The following OVCH1 variants were observed in gnomAD, a reference collection of about 807,000 sequenced individuals.
OVCH1 encodes the protein ovochymase-1.
A neutral mutation model predicts 138.4 loss-of-function variants in OVCH1; 139 were observed. The observed-to-expected ratio is 1.00, with a 90% CI of 0.87 to 1.16. The LOEUF is 1.16. OVCH1 is among the 50% of genes most tolerant of loss of function. The probability of loss-of-function intolerance (pLI) is 0.00; values close to 1 mark genes in which losing one functional copy is unlikely to be tolerated. For synonymous variants in OVCH1, 453 were observed against 467.8 expected (o/e 0.97, Z 0.41); for missense variants, 1,367 against 1,357.9 (o/e 1.01, Z -0.11).
intron 26 of OVCH1, among the ~76,000 whole-genome samples, chr12:29,438,687 T>C (rs1941410399): frequency 6.6e-6 from 1 of 152,224 alleles, no homozygotes; most frequent in Non-Finnish European, 1.5e-5. Flanking sequence ...AGTTATTGTA[T>C]GGCTTTTATT....
At chr12:29,421,296 C>G (rs76240520) in intron 3 of OVCH1, among the ~76,000 whole-genome samples, 1 of 152,268 alleles carries the variant, frequency 6.6e-6, no homozygotes, top group East Asian at 1.9e-4. Flanking sequence ...GTATTGTTTT[C>G]TATTGTTATC....
chr12:29,445,308 CA>C lies in OVCH1; in HGVS notation c.2850del (p.Phe950LeufsTer3). On this transcript the variant is annotated frameshift_variant, in exon 23 of 28. Coordinates refer to ENST00000318184, the Ensembl canonical transcript of OVCH1. LOFTEE classifies it high-confidence loss of function. ...ACTTTCAAGACAATATAGCTTATAC[CA>C]AATGCACCTCGTACAAGGGCATGGA... 2 of 1,611,696 alleles carry C rather than the reference CA, an allele frequency of 1.2e-6. No homozygotes were observed. The highest frequency in any genetic ancestry group is 1.7e-6 in the Non-Finnish European group (2 of 1,178,404).
intron 8 of OVCH1, among the ~76,000 whole-genome samples, chr12:29,485,234 T>C (rs1488113780): frequency 6.9e-6 from 1 of 145,256 alleles, no homozygotes; most frequent in Non-Finnish European, 1.5e-5. Flanking sequence ...CTCAGGAGAC[T>C]GAGGCAGGAG....
the OVCH1 span, among the ~76,000 whole-genome samples, chr12:29,406,379 A>G: frequency 3.9e-5 from 6 of 152,080 alleles, no homozygotes; most frequent in African/African-American, 1.4e-4. Flanking sequence ...TTACATACGT[A>G]TACATGTGCC....
chr12:29,467,909 C>G (rs558388429), intron 16 of OVCH1, among the ~76,000 whole-genome samples: 1 of 152,048 alleles, frequency 6.6e-6, no homozygotes. Context: ...AGGCAGGGCA[C>G]GTGTAGGACA....
At chr12:29,437,567 C>T (rs1464918039) in intron 26 of OVCH1, among the ~76,000 whole-genome samples, 2 of 152,092 alleles carry the variant, frequency 1.3e-5, no homozygotes, top group Non-Finnish European at 2.9e-5. Flanking sequence ...ATGTAGTTTG[C>T]TGTAACACTC....
chr12:29,476,331 G>A lies in OVCH1; in HGVS notation c.1378-32C>T, dbSNP rs373775607. 6.5e-6 allele frequency: 10 copies of A among 1,538,884 alleles called. No homozygotes were observed. In the African/African-American group the frequency reaches 6.8e-5, roughly 10 times the overall value. ...AAATGGAAACATAACCAGGGAAATG[G>A]TCAAAGAAGAGAAGAGAGAAGCTTA... On this transcript the variant is annotated intron_variant, in intron 12 of 27. Transcript: ENST00000318184.
At chr12:29,435,388 A>G (rs567703733) in intron 26 of OVCH1, among the ~76,000 whole-genome samples, 2 of 152,146 alleles carry the variant, frequency 1.3e-5, no homozygotes, top group South Asian at 2.1e-4. Context: ...TTTTTTTGAG[A>G]CGGAGTCTCG....
intron 14 of OVCH1, among the ~76,000 whole-genome samples, chr12:29,474,171 A>G (rs1221058545): frequency 6.6e-6 from 1 of 152,014 alleles, no homozygotes; most frequent in Non-Finnish European, 1.5e-5. Context: ...TCCTTCATAT[A>G]TTCCATCCCT....
Position 29,464,490 on chromosome 12 carries a change from A to G in OVCH1, c.2125+17T>C, listed in dbSNP as rs368875656. The G allele has an allele frequency of 5.0e-6, 8 of 1,611,314 alleles. No individual in the cohort carries two copies. Among genetic ancestry groups the G allele is most frequent in the African/African-American group, 1.3e-5 (1 of 74,876 alleles). ...TAACAACTGGCATTAATGTTTATGCAACAAAAATATGCTTACCTGCACTGA... is the reference window on the plus strand; with the variant it reads ...TAACAACTGGCATTAATGTTTATGCGACAAAAATATGCTTACCTGCACTGA... On this transcript the variant is annotated intron_variant, in intron 18 of 27. Coordinates refer to ENST00000318184, the Ensembl canonical transcript of OVCH1.
At chr12:29,486,769 G>A (rs1592110908) in intron 7 of OVCH1, 1 of 346,282 alleles carries the variant, frequency 2.9e-6, no homozygotes, top group East Asian at 8.1e-5. Flanking sequence ...ATCATGTTCT[G>A]GTGTTCATTT....
chr12:29,427,461 G>T (rs1312072802), downstream of OVCH1: 9 of 1,444,614 alleles, frequency 6.2e-6, no homozygotes, highest in East Asian at 1.2e-4. Flanking sequence ...GATAGAGGAG[G>T]TCTCAGGTAA....
chr12:29,434,931 C>A (rs747887943), intron 26 of OVCH1, among the ~76,000 whole-genome samples: 6 of 152,140 alleles, frequency 3.9e-5, no homozygotes, highest in Non-Finnish European at 8.8e-5. Flanking sequence ...ATGCCCAGTT[C>A]TTATGATGTC....
intron 27 of OVCH1, chr12:29,430,872 A>G (rs1044292576): frequency 3.9e-6 from 2 of 517,152 alleles, no homozygotes; most frequent in African/African-American, 3.9e-5. Context: ...TCAGTTGGAG[A>G]GTTCCTTCTC....
intron 19 of OVCH1, among the ~76,000 whole-genome samples, chr12:29,458,050 T>C (rs1261762376): frequency 1.3e-5 from 2 of 152,154 alleles, no homozygotes; most frequent in Non-Finnish European, 2.9e-5. Context: ...GGACATATAT[T>C]ATTCTGTGAA....
chr12:29,461,664 C>T (rs1453591791), intron 19 of OVCH1, 190 bp downstream of exon 19: 1 of 750,276 alleles, frequency 1.3e-6, no homozygotes, highest in East Asian at 2.8e-5. Flanking sequence ...CTTCCGGCCA[C>T]TCTCTGACAT....
chr12:29,423,830 T>C (rs987023256), downstream of OVCH1, among the ~76,000 whole-genome samples: 1 of 152,186 alleles, frequency 6.6e-6, no homozygotes. Context: ...TACATCGTCC[T>C]TATCCTCAAA....
chr12:29,443,518 C>G lies in OVCH1; in HGVS notation c.3018-18G>C, dbSNP rs760170005. On this transcript the variant is annotated intron_variant, in intron 24 of 27. Transcript: ENST00000318184. ...ATTGGCAACTATGGCATAGATGAAA[C>G]AAAGTCAGAAATTATTTCTAAACAG... The G allele has an allele frequency of 3.2e-6, 5 of 1,567,244 alleles. No individual in the cohort carries two copies. The highest frequency in any genetic ancestry group is 3.7e-5 in the Admixed American group (2 of 54,112).
chr12:29,403,210 T>G, the OVCH1 span, among the ~76,000 whole-genome samples: 1 of 152,206 alleles, frequency 6.6e-6, no homozygotes, highest in Non-Finnish European at 1.5e-5. Context: ...TAGCTAATTT[T>G]CAAACTTTTT....
Sources: allele counts gnomAD v4.1 joint callset (sites outside exome capture counted in the v4.1 genomes callset), GRCh38; gene constraint gnomAD v4.1.1; transcripts MANE v1.5; gene names NCBI Gene and HGNC (gene_info 2026-07-23, HGNC 2026-07-21).